Variants in SRD5A2 observed in about 807,000 individuals in gnomAD.
The protein encoded by SRD5A2 is 3-oxo-5-alpha-steroid 4-dehydrogenase 2.
A neutral mutation model predicts 27.4 loss-of-function variants in SRD5A2; 30 were observed. That is an observed-to-expected ratio of 1.10 (90% CI 0.82 to 1.49). SRD5A2 has a LOEUF of 1.49. Among genes scored for constraint, SRD5A2 ranks in the 40% most tolerant of loss-of-function variants. SRD5A2 has a pLI of 0.00. For synonymous variants in SRD5A2, 141 were observed against 133.6 expected (o/e 1.06, Z -0.38); for missense variants, 348 against 323.4 (o/e 1.08, Z -0.58).
the SRD5A2 span, among the ~76,000 whole-genome samples, chr2:31,628,459 G>T: frequency 6.6e-6 from 1 of 152,056 alleles, no homozygotes; most frequent in Admixed American, 6.6e-5. Context: ...TGGGGCATTT[G>T]GCCTGTTTGC....
the SRD5A2 span, among the ~76,000 whole-genome samples, chr2:31,645,289 T>C: frequency 6.6e-6 from 1 of 152,200 alleles, no homozygotes; most frequent in South Asian, 2.1e-4. Context: ...AAGTTAACTC[T>C]AAAATAACTT....
chr2:31,553,660 C>A (rs1230343786), intron 1 of SRD5A2, among the ~76,000 whole-genome samples: 2 of 152,138 alleles, frequency 1.3e-5, no homozygotes, highest in African/African-American at 4.8e-5. Flanking sequence ...GCCAATTCAA[C>A]TGAGGTAGGT....
At chr2:31,608,308 T>C in the SRD5A2 span, among the ~76,000 whole-genome samples, 6 of 151,954 alleles carry the variant, frequency 3.9e-5, no homozygotes, top group African/African-American at 1.4e-4. Context: ...GTGAAAGTTA[T>C]GAATGTATAT....
At chr2:31,562,428 A>G (rs1401283476) in intron 1 of SRD5A2, among the ~76,000 whole-genome samples, 1 of 152,144 alleles carries the variant, frequency 6.6e-6, no homozygotes, top group Non-Finnish European at 1.5e-5. Context: ...TGAGTAATAA[A>G]TTATTATTGA....
At chr2:31,567,454 GTGTA>G (rs1465250808) in intron 1 of SRD5A2, among the ~76,000 whole-genome samples, 47 of 92,054 alleles carry the variant, frequency 5.1e-4, no homozygotes, top group Middle Eastern at 5.0e-3. Context: ...GTGTGTGTGT[GTGTA>G]TATATATATA....
the SRD5A2 span, among the ~76,000 whole-genome samples, chr2:31,612,967 C>T: frequency 6.8e-3 from 1,037 of 152,150 alleles, 8 homozygotes; most frequent in African/African-American, 0.024. Context: ...CATCCACATG[C>T]AGAAGAATGA....
the SRD5A2 span, among the ~76,000 whole-genome samples, chr2:31,625,904 A>G: frequency 1.8e-4 from 28 of 152,100 alleles, no homozygotes; most frequent in African/African-American, 6.5e-4. Flanking sequence ...GAAGAAAGTC[A>G]TTGGTAGCTT....
the SRD5A2 span, among the ~76,000 whole-genome samples, chr2:31,637,904 AT>A: frequency 6.6e-6 from 1 of 152,022 alleles, no homozygotes; most frequent in African/African-American, 2.4e-5. Flanking sequence ...GCATTGATCT[AT>A]AACTTTTGTC....
intron 1 of SRD5A2, among the ~76,000 whole-genome samples, chr2:31,537,076 C>T (rs1357726712): frequency 2.6e-5 from 4 of 152,240 alleles, no homozygotes; most frequent in African/African-American, 9.6e-5. Flanking sequence ...CTTGCATAGA[C>T]CAACTCATAT....
chr2:31,658,383 G>C, the SRD5A2 span, among the ~76,000 whole-genome samples: 1 of 151,876 alleles, frequency 6.6e-6, no homozygotes, highest in Admixed American at 6.6e-5. Flanking sequence ...AATCAGAGCT[G>C]ACCTGAAGGG....
the SRD5A2 span, among the ~76,000 whole-genome samples, chr2:31,655,979 G>C: frequency 6.6e-6 from 1 of 152,206 alleles, no homozygotes; most frequent in Non-Finnish European, 1.5e-5. Context: ...CTGACGCTGA[G>C]AGAGGAAGGT....
At chr2:31,531,342 TGA>T (rs1170486971) in intron 3 of SRD5A2, 27 bp downstream of exon 3, 1 of 1,490,208 alleles carries the variant, frequency 6.7e-7, no homozygotes, top group Non-Finnish European at 9.2e-7. Context: ...CAGGGAAGAG[TGA>T]GAGTCTGGGG....
chr2:31,536,936 G>A (rs1040530825), intron 1 of SRD5A2, among the ~76,000 whole-genome samples: 2 of 152,128 alleles, frequency 1.3e-5, no homozygotes, highest in Non-Finnish European at 2.9e-5. Context: ...AGACTGATAA[G>A]TACTCTGTAA....
the SRD5A2 span, among the ~76,000 whole-genome samples, chr2:31,654,381 A>T: frequency 5.9e-5 from 9 of 152,200 alleles, no homozygotes; most frequent in Non-Finnish European, 1.0e-4. Context: ...CAGGAACTGG[A>T]GCAAACATAA....
the SRD5A2 span, among the ~76,000 whole-genome samples, chr2:31,590,082 T>G: frequency 1.3e-5 from 2 of 152,014 alleles, no homozygotes; most frequent in African/African-American, 2.4e-5. Context: ...AAGAACCACC[T>G]CTCTGTCCTC....
chr2:31,614,935 T>C, the SRD5A2 span, among the ~76,000 whole-genome samples: 1 of 152,072 alleles, frequency 6.6e-6, no homozygotes, highest in Non-Finnish European at 1.5e-5. Flanking sequence ...ACTGTTTGCA[T>C]AGTAGTGAAT....
rs150437840 is a variant in SRD5A2 at position 31,549,643 on chromosome 2, G to A, written c.282-15877C>T. On this transcript the variant is annotated intron_variant, in intron 1 of 4. Coordinates refer to ENST00000622030, the MANE Select transcript of SRD5A2 (RefSeq NM_000348.4). ...AGCAAACAAAATTACCAGAATTAGA[G>A]AGGGACATTATATAATGATAAAATG... 2.5e-3 allele frequency among the ~76,000 whole-genome samples: 386 copies of A among 152,294 alleles called. 1 individual carries two copies. Among genetic ancestry groups the A allele is most frequent in the Non-Finnish European group, 4.2e-3 (285 of 68,026 alleles).
the SRD5A2 span, among the ~76,000 whole-genome samples, chr2:31,653,661 A>AT: frequency 3.3e-5 from 5 of 151,288 alleles, no homozygotes; most frequent in East Asian, 3.9e-4. Context: ...GCAAACTCCA[A>AT]TTTTTTTTTC....
chr2:31,564,257 C>T (rs1463868715), intron 1 of SRD5A2, among the ~76,000 whole-genome samples: 1 of 151,786 alleles, frequency 6.6e-6, no homozygotes, highest in Non-Finnish European at 1.5e-5. Context: ...ATGGAAACTA[C>T]AATCCCTGAG....
Sources: allele counts gnomAD v4.1 joint callset (sites outside exome capture counted in the v4.1 genomes callset), GRCh38; gene constraint gnomAD v4.1.1; transcripts MANE v1.5; gene names NCBI Gene and HGNC (gene_info 2026-07-23, HGNC 2026-07-21).